RIPOR2: variants seen among roughly 807,000 people sequenced by gnomAD.
RIPOR2 encodes RHO family interacting cell polarization regulator 2.
RIPOR2 carries 39 observed loss-of-function variants against 114.5 expected under a neutral mutation model. The observed-to-expected ratio is 0.34, with a 90% CI of 0.26 to 0.44. RIPOR2 has a LOEUF of 0.44. Ranked by LOEUF, RIPOR2 falls within the 20% of genes least tolerant of loss-of-function variation. RIPOR2 has a pLI of 1.00. For missense variants in RIPOR2, 1,007 were observed against 1,255.1 expected (o/e 0.80, Z 2.99); for synonymous variants, 445 against 484.4 (o/e 0.92, Z 1.07).
At chr6:24,872,765 T>TA in intron 4 of RIPOR2, 116 bp downstream of exon 4, 1 of 671,268 alleles carries the variant, frequency 1.5e-6, no homozygotes, top group Admixed American at 2.3e-5. Context: ...ATGCAGATAG[T>TA]ACTCTGCCCC....
At chr6:24,958,419 C>G (rs1351778919) in intron 1 of RIPOR2, among the ~76,000 whole-genome samples, 1 of 152,158 alleles carries the variant, frequency 6.6e-6, no homozygotes, top group Admixed American at 6.6e-5. Context: ...TAAAATAAAC[C>G]TCTCTGAAAA....
At chr6:24,955,591 T>C (rs1772993861) in intron 1 of RIPOR2, among the ~76,000 whole-genome samples, 1 of 151,872 alleles carries the variant, frequency 6.6e-6, no homozygotes, top group African/African-American at 2.4e-5. Flanking sequence ...CAAGCATGAC[T>C]CTCTTACTTT....
At chr6:24,854,561 A>G (rs1763256900) in intron 8 of RIPOR2, among the ~76,000 whole-genome samples, 1 of 152,238 alleles carries the variant, frequency 6.6e-6, no homozygotes, top group Non-Finnish European at 1.5e-5. Context: ...GGCTTTAGTC[A>G]GCTGTTGTTT....
intron 1 of RIPOR2, among the ~76,000 whole-genome samples, chr6:24,895,438 TAA>T (rs1338667555): frequency 8.5e-6 from 1 of 117,740 alleles, no homozygotes. Context: ...ATACGTACTT[TAA>T]AAAAAAAAAA....
intron 18 of RIPOR2, among the ~76,000 whole-genome samples, chr6:24,827,789 C>T (rs1760319707): frequency 6.6e-6 from 1 of 152,174 alleles, no homozygotes; most frequent in Non-Finnish European, 1.5e-5. Flanking sequence ...TTAATGAAAG[C>T]CTCACCAAAA....
chr6:24,809,742 C>T lies in RIPOR2; in HGVS notation c.3018G>A (p.Val1006=). The change falls in exon 21 of 22, where the codon GTG becomes GTA. Residue 1006 remains valine (V), a synonymous_variant. Coordinates refer to ENST00000643898, the MANE Select transcript of RIPOR2 (RefSeq NM_001286445.3). ...CQSDTEEIRN[V]ASETLLSLGE... ...CCAGAGACAAGAGGGTTTCTGAGGCCACATTTCTGATTTCTTCAGTATCAG... is the reference window on the plus strand; with the variant it reads ...CCAGAGACAAGAGGGTTTCTGAGGCTACATTTCTGATTTCTTCAGTATCAG... 6.4e-7 allele frequency: 1 copy of T among 1,550,532 alleles called. No individual in the cohort carries two copies.
At chr6:24,965,139 T>G (rs1581884969) in intron 1 of RIPOR2, among the ~76,000 whole-genome samples, 1 of 41,872 alleles carries the variant, frequency 2.4e-5, no homozygotes, top group East Asian at 2.4e-3. Flanking sequence ...TTTTTATTTT[T>G]TATTTTTTTT....
intron 1 of RIPOR2, among the ~76,000 whole-genome samples, chr6:24,892,843 A>G (rs1767497534): frequency 6.6e-6 from 1 of 152,198 alleles, no homozygotes; most frequent in Admixed American, 6.5e-5. Context: ...AAACCAACTG[A>G]AAAGTCATTT....
intron 1 of RIPOR2, among the ~76,000 whole-genome samples, chr6:24,905,532 G>GGTTA (rs1345194271): frequency 6.6e-6 from 1 of 152,216 alleles, no homozygotes; most frequent in Non-Finnish European, 1.5e-5. Flanking sequence ...ATGTAGGATA[G>GGTTA]GTTAACCTTG....
intron 1 of RIPOR2, among the ~76,000 whole-genome samples, chr6:24,966,453 G>A (rs1422349807): frequency 6.6e-6 from 1 of 152,094 alleles, no homozygotes; most frequent in Admixed American, 6.5e-5. Flanking sequence ...CTTTAATACT[G>A]CGTTTTTGAT....
chr6:24,878,871 T>C (rs1766071391), intron 1 of RIPOR2, among the ~76,000 whole-genome samples: 1 of 142,778 alleles, frequency 7.0e-6, no homozygotes, highest in Admixed American at 7.0e-5. Context: ...AACTCTTTCA[T>C]TAAATGAATT....
chr6:25,004,439 A>G (rs1775457229), intron 1 of RIPOR2, among the ~76,000 whole-genome samples: 1 of 152,166 alleles, frequency 6.6e-6, no homozygotes, highest in Admixed American at 6.5e-5. Flanking sequence ...AGAGGGTAAC[A>G]GCTTCTCCTT....
Position 24,858,477 on chromosome 6 carries a change from G to C in RIPOR2, c.715+2496C>G, listed in dbSNP as rs879430421. On this transcript the variant is annotated intron_variant, in intron 8 of 21. Coordinates refer to ENST00000643898, the MANE Select transcript of RIPOR2 (RefSeq NM_001286445.3). This position sits in a 1 kb window ranked among gnomAD's most constrained non-coding sequence, Gnocchi z 4.0. The stretch of plus-strand genomic sequence containing the variant: ...TTTTACCAGAATGAGTAACAGATGA[G>C]AAAGCAGCTAATTGCAAAGACAATA... 2.0e-5 allele frequency among the ~76,000 whole-genome samples: 3 copies of C among 152,200 alleles called. No homozygotes were observed. The highest frequency in any genetic ancestry group is 4.4e-5 in the Non-Finnish European group (3 of 68,024).
chr6:24,945,429 G>T (rs1411907733), intron 1 of RIPOR2, among the ~76,000 whole-genome samples: 1 of 152,076 alleles, frequency 6.6e-6, no homozygotes, highest in African/African-American at 2.4e-5. Flanking sequence ...AAAATAGAGA[G>T]CACTGGTAGA....
chr6:24,822,812 G>A (rs1266109772), intron 19 of RIPOR2, among the ~76,000 whole-genome samples: 2 of 152,208 alleles, frequency 1.3e-5, no homozygotes, highest in Non-Finnish European at 2.9e-5. Flanking sequence ...GAGCCACTGC[G>A]CCCGGCCTAT....
intron 1 of RIPOR2, chr6:24,910,963 C>T: frequency 1.0e-6 from 1 of 985,326 alleles, no homozygotes; most frequent in Non-Finnish European, 1.2e-6. Context: ...TGAAGGGGAC[C>T]CCGGGAGGAA....
chr6:24,938,254 T>C (rs898586292), upstream of RIPOR2, among the ~76,000 whole-genome samples: 1 of 152,130 alleles, frequency 6.6e-6, no homozygotes, highest in African/African-American at 2.4e-5. Flanking sequence ...TATGTGAAGA[T>C]GAAGGCAGAG....
intron 1 of RIPOR2, among the ~76,000 whole-genome samples, chr6:25,019,141 T>A (rs554161496): frequency 1.3e-5 from 2 of 152,334 alleles, no homozygotes; most frequent in African/African-American, 4.8e-5. Flanking sequence ...TCATTAGGAA[T>A]TCATAGATTT....
chr6:25,005,738 T>TACAC lies in RIPOR2; in HGVS notation c.76+36112_76+36113insGTGT, dbSNP rs1554130559. ...ATATATATATATATATATATATATA[T>TACAC]ATACATTTACCGATCAAAAGATATG... On this transcript the variant is annotated intron_variant, in intron 1 of 13. Transcript: ENST00000510784. 7.7e-3 allele frequency among the ~76,000 whole-genome samples: 546 copies of TACAC among 70,694 alleles called. 49 individuals are homozygous for TACAC. The highest frequency in any genetic ancestry group is 0.014 in the Non-Finnish European group (408 of 30,024). The allele number at this position is 70,694 out of a possible 152,430, so 46.4% of individuals were successfully genotyped here. A position where few individuals can be genotyped will look rare whatever the true frequency, so the allele number is the denominator to read the frequency against.
Sources: gnomAD v4.1 joint callset for allele counts (sites outside exome capture counted in the v4.1 genomes callset) on GRCh38, gnomAD v4.1.1 for gene constraint, Gnocchi (gnomAD v3.1) non-coding constraint, MANE v1.5 for transcripts, NCBI Gene and HGNC (gene_info 2026-07-23, HGNC 2026-07-21) for gene names.